The following AMMECR1 variants were observed in gnomAD, a reference collection of about 807,000 sequenced individuals.
AMMECR1 encodes AMMECR nuclear protein 1.
In AMMECR1, 3 loss-of-function variants were observed where a neutral mutation model predicts 22.5. The ratio of observed to expected loss-of-function variants is 0.13; its 90% CI spans 0.06 to 0.35. The LOEUF is 0.35. AMMECR1 is among the 10% of genes least tolerant of loss of function. AMMECR1 has a pLI of 1.00. For missense variants in AMMECR1, 235 were observed against 278.7 expected (o/e 0.84, Z 1.12); for synonymous variants, 130 against 116.7 (o/e 1.11, Z -0.74).
intron 2 of AMMECR1, among the ~76,000 whole-genome samples, chrX:110,388,625 A>G (rs1293016043): frequency 8.9e-6 from 1 of 112,374 alleles, no homozygotes; most frequent in Non-Finnish European, 1.9e-5. Flanking sequence ...GGATGCATCA[A>G]AAGCCCCTGG....
At chrX:110,240,419 T>C (rs2067625701) in intron 2 of AMMECR1, among the ~76,000 whole-genome samples, 1 of 98,151 alleles carries the variant, frequency 1.0e-5, no homozygotes, top group Non-Finnish European at 2.0e-5. Flanking sequence ...GGGGAGGGTT[T>C]GCAATCCTAG....
intron 3 of AMMECR1, among the ~76,000 whole-genome samples, chrX:110,213,965 TAA>T (rs1382302167): frequency 9.8e-6 from 1 of 102,514 alleles, no homozygotes. Flanking sequence ...ATATTAAAAG[TAA>T]AAAAAAAAAA....
At position 110,196,290 on chromosome X, in the gene AMMECR1, C is replaced by T. The variant is rs1273272731; in HGVS notation, c.*2230G>A. 9.0e-6 allele frequency: 1 copy of T among 111,392 alleles called. No homozygotes were observed. Among genetic ancestry groups the T allele is most frequent in the African/African-American group, 3.3e-5 (1 of 30,631 alleles). 9.2% of individuals were successfully genotyped at this position (111,392 alleles called of 1,213,427 possible). A position where few individuals can be genotyped will look rare whatever the true frequency, so the allele number is the denominator to read the frequency against. On this transcript the variant is annotated 3_prime_UTR_variant, in exon 6 of 6. Transcript: ENST00000262844. ...ACCCAGGACGAGGAGCCTGTTGAACCGATGAGATGATGGATAAGATGGATT... is the reference window on the plus strand; with the variant it reads ...ACCCAGGACGAGGAGCCTGTTGAACTGATGAGATGATGGATAAGATGGATT...
At chrX:110,287,433 T>G (rs1333661114) in intron 1 of AMMECR1, among the ~76,000 whole-genome samples, 1 of 112,115 alleles carries the variant, frequency 8.9e-6, no homozygotes, top group African/African-American at 3.2e-5. Context: ...CTATTAGACC[T>G]CAGAGTTACA....
chrX:110,211,489 T>C (rs1456185137), intron 3 of AMMECR1, among the ~76,000 whole-genome samples: 1 of 112,110 alleles, frequency 8.9e-6, no homozygotes, highest in African/African-American at 3.2e-5. Flanking sequence ...TTCCAGGCTA[T>C]GTCATTTTGG....
At chrX:110,414,489 A>T (rs1602985772) in intron 2 of AMMECR1, among the ~76,000 whole-genome samples, 1 of 112,855 alleles carries the variant, frequency 8.9e-6, no homozygotes, top group East Asian at 2.8e-4. Context: ...GGTGCTTTGC[A>T]TGCAGTGTTT....
chrX:110,200,910 C>T (rs7879171), intron 5 of AMMECR1, 44 bp downstream of exon 5: 14 of 996,046 alleles, frequency 1.4e-5, no homozygotes, highest in Non-Finnish European at 1.7e-5. Context: ...GCATACACAT[C>T]AAAATGTACA....
chrX:110,427,331 G>A (rs2068761451), intron 1 of AMMECR1, among the ~76,000 whole-genome samples: 1 of 111,893 alleles, frequency 8.9e-6, no homozygotes, highest in Non-Finnish European at 1.9e-5. Flanking sequence ...TGAGACTTGA[G>A]GCTCTCAAAA....
At chrX:110,311,685 A>G (rs1230145385) in intron 1 of AMMECR1, among the ~76,000 whole-genome samples, 1 of 112,322 alleles carries the variant, frequency 8.9e-6, no homozygotes, top group African/African-American at 3.2e-5. Flanking sequence ...CCACCCAACC[A>G]ACTATACTAT....
intron 2 of AMMECR1, among the ~76,000 whole-genome samples, chrX:110,334,202 A>T (rs1437417234): frequency 1.8e-5 from 2 of 111,475 alleles, no homozygotes; most frequent in Admixed American, 9.6e-5. Flanking sequence ...TTGGTGCCAT[A>T]TTCAATAAAT....
chrX:110,365,842 C>G (rs2068293746), intron 2 of AMMECR1, among the ~76,000 whole-genome samples: 1 of 111,949 alleles, frequency 8.9e-6, no homozygotes, highest in South Asian at 3.7e-4. Flanking sequence ...AGCATAGTGC[C>G]TGACACAAGG....
rs1402809152 is a variant in AMMECR1 at position 110,198,654 on chromosome X, G to A, written c.888-20C>T. ...CGATACCTGAAAGAAAGTCAGGGAA[G>A]AGAAAAGTTAACATTGAGAAGTAGG... On this transcript the variant is annotated intron_variant, in intron 5 of 5. Coordinates refer to ENST00000262844, the MANE Select transcript of AMMECR1 (RefSeq NM_015365.3). 9.1e-7 allele frequency: 1 copy of A among 1,103,162 alleles called. No homozygotes were observed. Among genetic ancestry groups the A allele is most frequent in the Admixed American group, 2.2e-5 (1 of 45,748 alleles). 90.9% of individuals were successfully genotyped at this position (1,103,162 alleles called of 1,213,427 possible).
chrX:110,254,499 G>A (rs2067701204), intron 2 of AMMECR1, among the ~76,000 whole-genome samples: 1 of 111,462 alleles, frequency 9.0e-6, no homozygotes, highest in African/African-American at 3.3e-5. Flanking sequence ...TATCCATTCT[G>A]TGTGATAGTT....
intron 1 of AMMECR1, among the ~76,000 whole-genome samples, chrX:110,270,020 C>T (rs145172960): frequency 0.016 from 1,813 of 111,490 alleles, 15 homozygotes; most frequent in Non-Finnish European, 0.027. Context: ...GGCTGCTATA[C>T]GGCCACTTTG....
chrX:110,354,353 TG>T (rs909674518), intron 2 of AMMECR1, among the ~76,000 whole-genome samples: 1 of 112,203 alleles, frequency 8.9e-6, no homozygotes, highest in African/African-American at 3.2e-5. Context: ...GTACTTTACA[TG>T]TACATACTTT....
chrX:110,421,129 CT>C (rs1035772754), intron 2 of AMMECR1, among the ~76,000 whole-genome samples: 7 of 112,399 alleles, frequency 6.2e-5, no homozygotes, highest in Non-Finnish European at 1.1e-4. Context: ...GCCCCTCTGA[CT>C]TTTTTGCACA....
intron 2 of AMMECR1, among the ~76,000 whole-genome samples, chrX:110,396,605 T>C (rs1411971706): frequency 1.8e-5 from 2 of 111,893 alleles, no homozygotes; most frequent in East Asian, 5.6e-4. Flanking sequence ...GTGTATTGGG[T>C]ACTCACAATG....
intron 2 of AMMECR1, among the ~76,000 whole-genome samples, chrX:110,410,373 A>G (rs2068633956): frequency 8.9e-6 from 1 of 112,064 alleles, no homozygotes; most frequent in Non-Finnish European, 1.9e-5. Flanking sequence ...TTTGGAAGTG[A>G]ATCAACAAAA....
rs10664998 is a variant in AMMECR1, at chrX:110,339,401, TAAAAAAAA to T, written c.-147-21560_-147-21553del. ...CAGAAAAGTGGAAAATGGTTTGTTG[TAAAAAAAA>T]AAAAAAAAAAAAAAAACAAAAAAAG... On this transcript the variant is annotated intron_variant, in intron 2 of 7. Coordinates refer to the AMMECR1 transcript ENST00000372057. Among the ~76,000 whole-genome samples the T allele has an allele frequency of 8.2e-5, 4 of 48,958 alleles. No homozygotes were observed. The South Asian group carries it at 6.8e-3, about 83-fold the overall frequency. The allele number at this position is 48,958 out of a possible 115,157, so 42.5% of individuals were successfully genotyped here. A position where few individuals can be genotyped will look rare whatever the true frequency, so the allele number is the denominator to read the frequency against.
Sources: allele counts gnomAD v4.1 joint callset (sites outside exome capture counted in the v4.1 genomes callset), GRCh38; gene constraint gnomAD v4.1.1; transcripts MANE v1.5; gene names NCBI Gene and HGNC (gene_info 2026-07-23, HGNC 2026-07-21).